Variants in NRXN3 observed in about 807,000 individuals in gnomAD.
NRXN3 encodes neurexin III.
Under a neutral mutation model 137.6 loss-of-function variants are expected in NRXN3, and 32 were observed. The ratio of observed to expected loss-of-function variants is 0.23; its 90% CI spans 0.18 to 0.31. The LOEUF (loss-of-function observed/expected upper bound fraction) is 0.31. NRXN3 is among the 10% of genes least tolerant of loss of function. The pLI is 1.00. For synonymous variants in NRXN3, 798 were observed against 784.5 expected, an observed-to-expected ratio of 1.02 and a Z score of -0.29; for missense variants, 1,574 against 2,062.5, an observed-to-expected ratio of 0.76 and a Z score of 4.59.
chr14:79,078,871 C>T (rs1293317100), intron 15 of NRXN3, among the ~76,000 whole-genome samples: 1 of 152,088 alleles, frequency 6.6e-6, no homozygotes, highest in East Asian at 1.9e-4. Flanking sequence ...ACTAGATGTT[C>T]TATAAGCCCC....
At chr14:79,691,309 G>C (rs8021507) in intron 17 of NRXN3, among the ~76,000 whole-genome samples, 10,017 of 151,970 alleles carry the variant, frequency 0.066, 972 homozygotes, top group African/African-American at 0.22. Flanking sequence ...ATGAATGGAT[G>C]CTTGTTCAGA....
chr14:78,882,936 A>G (rs957294100), intron 10 of NRXN3, among the ~76,000 whole-genome samples: 1 of 151,908 alleles, frequency 6.6e-6, no homozygotes, highest in African/African-American at 2.4e-5. Context: ...TACTTGAATC[A>G]TGGGAGTGGT....
At chr14:79,835,502 T>G (rs912359368) in intron 20 of NRXN3, among the ~76,000 whole-genome samples, 1 of 152,176 alleles carries the variant, frequency 6.6e-6, no homozygotes, top group Non-Finnish European at 1.5e-5. Context: ...TAATTCAGCA[T>G]CTCATGATTT....
rs536444872 is a variant in NRXN3, at chr14:79,677,537, A to G, written c.3616+13588A>G. The stretch of plus-strand genomic sequence containing the variant: ...GTATGGGTGGCACTGGATCTCTAGA[A>G]TCGGTAAAAATAAAGGCAATATATT... On this transcript the variant is annotated intron_variant, in intron 17 of 20. Coordinates refer to ENST00000335750, the MANE Select transcript of NRXN3 (RefSeq NM_001330195.2). Among the ~76,000 whole-genome samples the G allele has an allele frequency of 8.5e-5, 13 of 152,180 alleles. No homozygotes were observed. In the South Asian group the frequency reaches 2.7e-3, roughly 32 times the overall value.
chr14:78,570,001 T>C (rs1328000072), intron 4 of NRXN3, among the ~76,000 whole-genome samples: 1 of 152,192 alleles, frequency 6.6e-6, no homozygotes, highest in Non-Finnish European at 1.5e-5. Context: ...CATTTCCACA[T>C]GTGAAAATTT....
At chr14:78,835,014 C>G (rs2098992491) in intron 10 of NRXN3, among the ~76,000 whole-genome samples, 1 of 152,132 alleles carries the variant, frequency 6.6e-6, no homozygotes, top group South Asian at 2.1e-4. Flanking sequence ...TAAAGACATC[C>G]TAGCCTTAAT....
At chr14:78,242,291 C>G (rs180799997) in intron 1 of NRXN3, 100 bp from the exon 2 acceptor site, 2 of 152,172 alleles carry the variant, frequency 1.3e-5, no homozygotes, top group African/African-American at 4.8e-5. Flanking sequence ...TAGCTTGGCT[C>G]GAAGTCAGCA....
intron 19 of NRXN3, among the ~76,000 whole-genome samples, chr14:79,774,723 G>T (rs1274346607): frequency 3.3e-5 from 5 of 152,144 alleles, no homozygotes; most frequent in African/African-American, 1.2e-4. Flanking sequence ...TGCACATGCA[G>T]ATTCTAGATA....
intron 16 of NRXN3, among the ~76,000 whole-genome samples, chr14:79,543,537 G>A (rs910644167): frequency 5.9e-5 from 9 of 152,202 alleles, no homozygotes; most frequent in Non-Finnish European, 1.3e-4. Context: ...TGGGTATCAG[G>A]GTGATTGGGC....
intron 15 of NRXN3, among the ~76,000 whole-genome samples, chr14:79,394,881 T>C (rs981833431): frequency 2.0e-5 from 3 of 152,204 alleles, no homozygotes; most frequent in Non-Finnish European, 2.9e-5. Flanking sequence ...TCAAGGTCAC[T>C]TACCTGGTAA....
intron 16 of NRXN3, among the ~76,000 whole-genome samples, chr14:79,479,192 C>T (rs1379455523): frequency 2.0e-5 from 3 of 151,972 alleles, no homozygotes; most frequent in African/African-American, 4.8e-5. Context: ...AAAATAATTC[C>T]GCTGGCTGAC....
chr14:78,810,960 G>A (rs2153098767), intron 10 of NRXN3, among the ~76,000 whole-genome samples: 1 of 152,194 alleles, frequency 6.6e-6, no homozygotes, highest in East Asian at 1.9e-4. Context: ...CTTGAAGAAG[G>A]GTCCTAACAA....
intron 15 of NRXN3, among the ~76,000 whole-genome samples, chr14:79,363,703 A>G (rs1214101307): frequency 6.6e-6 from 1 of 152,198 alleles, no homozygotes; most frequent in Non-Finnish European, 1.5e-5. Flanking sequence ...TTGGTATAGC[A>G]CCAGTCCAAA....
At chr14:78,753,398 A>G (rs894272144) in intron 8 of NRXN3, among the ~76,000 whole-genome samples, 2 of 152,148 alleles carry the variant, frequency 1.3e-5, no homozygotes, top group Admixed American at 6.5e-5. Context: ...GTTTTTGGCT[A>G]TTTAGAGATT....
At chr14:79,271,362 C>T (rs2079268173) in intron 15 of NRXN3, among the ~76,000 whole-genome samples, 1 of 151,118 alleles carries the variant, frequency 6.6e-6, no homozygotes, top group Non-Finnish European at 1.5e-5. Flanking sequence ...TTCCCCCTCC[C>T]TCTCCCCTCC....
intron 10 of NRXN3, among the ~76,000 whole-genome samples, chr14:78,848,940 G>A (rs187110832): frequency 1.2e-3 from 181 of 152,192 alleles, no homozygotes; most frequent in Admixed American, 4.8e-3. Context: ...TAGGGGCCAC[G>A]GGAGCAGGAG....
chr14:78,176,905 C>G (rs2059323806), intron 1 of NRXN3, among the ~76,000 whole-genome samples: 1 of 151,880 alleles, frequency 6.6e-6, no homozygotes, highest in Non-Finnish European at 1.5e-5. Context: ...ACTTGCAGAG[C>G]TAGAGGTCAG....
intron 19 of NRXN3, among the ~76,000 whole-genome samples, chr14:79,747,220 T>C (rs533519988): frequency 2.0e-5 from 3 of 152,134 alleles, no homozygotes; most frequent in African/African-American, 7.2e-5. Context: ...GGCAGGTAGT[T>C]TTGCAGAAAC....
intron 8 of NRXN3, among the ~76,000 whole-genome samples, chr14:78,765,736 TATAC>T (rs776818314): frequency 2.0e-5 from 3 of 151,296 alleles, no homozygotes; most frequent in African/African-American, 7.3e-5. Context: ...TATATATATA[TATAC>T]ACACACACAC....
Sources: allele counts gnomAD v4.1 joint callset (sites outside exome capture counted in the v4.1 genomes callset), GRCh38; gene constraint gnomAD v4.1.1; transcripts MANE v1.5; gene names NCBI Gene and HGNC (gene_info 2026-07-23, HGNC 2026-07-21).